PCDHA6: variants seen among roughly 807,000 people sequenced by gnomAD.
The protein encoded by PCDHA6 is protocadherin alpha 6, also known as protocadherin alpha-6.
PCDHA6 carries 55 observed loss-of-function variants against 60.3 expected under a neutral mutation model. The ratio of observed to expected loss-of-function variants is 0.91; its 90% CI spans 0.73 to 1.14. The LOEUF (loss-of-function observed/expected upper bound fraction) is 1.14. Among genes scored for constraint, PCDHA6 ranks in the 50% most tolerant of loss-of-function variants. The pLI, the probability that PCDHA6 is intolerant of heterozygous loss-of-function variation, is 0.00. For missense variants in PCDHA6, 1,327 were observed against 1,256.5 expected, an observed-to-expected ratio of 1.06 and a Z score of -0.85; for synonymous variants, 652 against 557.9, an observed-to-expected ratio of 1.17 and a Z score of -2.38.
intron 1 of PCDHA6, chr5:140,869,866 G>A (rs1165429955): frequency 1.9e-6 from 3 of 1,610,400 alleles, no homozygotes; most frequent in Non-Finnish European, 1.7e-6. Flanking sequence ...TATGGAAAAT[G>A]CTGCTAAAGA....
intron 1 of PCDHA6, chr5:140,856,826 G>A (rs370105926): frequency 3.8e-6 from 6 of 1,592,454 alleles, no homozygotes; most frequent in Non-Finnish European, 4.3e-6. Flanking sequence ...CCAAACATTA[G>A]TAATACGGCT....
Position 140,979,023 on chromosome 5 carries a change from C to G in PCDHA6, c.2453+16C>G, listed in dbSNP as rs2096831948. On this transcript the variant is annotated intron_variant, in intron 2 of 3. Transcript: ENST00000529310. ...GCATGCACAGGTATGTATTTCCCTC[C>G]TCATTCACTCAGAAGTAACCTTAAC... The G allele has an allele frequency of 6.2e-7, 1 of 1,613,422 alleles. No homozygotes were observed.
chr5:140,934,580 T>C lies in PCDHA6; in HGVS notation c.2395-44369T>C, dbSNP rs531235009. 3.9e-5 allele frequency among the ~76,000 whole-genome samples: 6 copies of C among 152,296 alleles called. No individual in the cohort carries two copies. In the East Asian group the frequency reaches 1.2e-3, roughly 29 times the overall value. On this transcript the variant is annotated intron_variant, in intron 1 of 3. Transcript: ENST00000529310. ...CTTTTTTTTAATTAATTGTAACATT[T>C]CTGTAATGGGTCTTCAACTATTTGA...
chr5:140,865,528 T>C (rs2048902393), intron 1 of PCDHA6: 1 of 152,220 alleles, frequency 6.6e-6, no homozygotes, highest in Non-Finnish European at 1.5e-5. Context: ...GGAATTCTCT[T>C]CATCCATAGC....
At position 140,830,118 on chromosome 5, in the gene PCDHA6, C is replaced by T. The variant is rs2150181402; in HGVS notation, c.2027C>T (p.Pro676Leu). The T allele has an allele frequency of 1.7e-5, 27 of 1,613,530 alleles. No individual in the cohort carries two copies. Among genetic ancestry groups the T allele is most frequent in the East Asian group, 1.3e-4 (6 of 44,860 alleles). Residue 676 changes from proline to leucine, a missense_variant, in exon 1 of 4, where the codon CCA becomes CTA. Physicochemically the swap from Pro to Leu is moderately conservative, Grantham distance 98. Transcript: ENST00000529310. ...TCGCTGGTGGAGAGTGGCCAGGCTCCAAAGGCGTCATCACGGGCGTCGGTG... is the reference window on the plus strand; with the variant it reads ...TCGCTGGTGGAGAGTGGCCAGGCTCTAAAGGCGTCATCACGGGCGTCGGTG... ...LVSLVESGQA[P>L]KASSRASVGA...
chr5:140,968,741 A>T, intron 1 of PCDHA6: 1 of 1,614,106 alleles, frequency 6.2e-7, no homozygotes, highest in Non-Finnish European at 8.5e-7. Context: ...TTTCAACCTG[A>T]CCGTGGTGGT....
intron 3 of PCDHA6, among the ~76,000 whole-genome samples, chr5:140,994,381 C>T (rs1339661887): frequency 6.6e-6 from 1 of 152,086 alleles, no homozygotes; most frequent in East Asian, 1.9e-4. Context: ...ATTCAGGGGA[C>T]TAAGTCAGAG....
intron 1 of PCDHA6, chr5:140,929,452 T>C: frequency 1.5e-6 from 2 of 1,366,592 alleles, no homozygotes; most frequent in Non-Finnish European, 2.0e-6. Context: ...TTCTTAGCAC[T>C]TCCTGTGCCA....
At chr5:140,931,260 T>C (rs576177407) in intron 1 of PCDHA6, among the ~76,000 whole-genome samples, 104 of 152,274 alleles carry the variant, frequency 6.8e-4, no homozygotes, top group East Asian at 3.1e-3. Flanking sequence ...GAAATTTCAC[T>C]ATTTATTTCT....
At chr5:140,869,548 G>T in intron 1 of PCDHA6, 1 of 1,614,202 alleles carries the variant, frequency 6.2e-7, no homozygotes, top group Non-Finnish European at 8.5e-7. Flanking sequence ...TAAGCAATCG[G>T]ACTCGCGTTT....
At position 141,010,124 on chromosome 5, in the gene PCDHA6, G is replaced by C. The variant is rs1161168842; in HGVS notation, c.*187G>C. 1.2e-6 allele frequency: 2 copies of C among 1,605,172 alleles called. No homozygotes were observed. The highest frequency in any genetic ancestry group is 1.1e-5 in the South Asian group (1 of 90,170). On this transcript the variant is annotated 3_prime_UTR_variant, in exon 4 of 4. Coordinates refer to ENST00000529310, the MANE Select transcript of PCDHA6 (RefSeq NM_018909.4). ...GGTTTTGTCGTAAAAGCTTTACTAA[G>C]TCTGGTGTTAACTCTTTCTCTCCAC...
chr5:140,882,319 G>T, intron 1 of PCDHA6: 3 of 1,614,136 alleles, frequency 1.9e-6, no homozygotes, highest in Non-Finnish European at 2.5e-6. Flanking sequence ...TACTGCTCTG[G>T]CTTCTGATCC....
chr5:140,841,839 G>T, intron 1 of PCDHA6: 1 of 1,613,898 alleles, frequency 6.2e-7, no homozygotes, highest in South Asian at 1.1e-5. Context: ...TACAGGCTTA[G>T]CTCTCATGAT....
intron 3 of PCDHA6, among the ~76,000 whole-genome samples, chr5:140,989,624 G>C (rs527255277): frequency 6.6e-6 from 1 of 152,208 alleles, no homozygotes; most frequent in Non-Finnish European, 1.5e-5. Context: ...GTCTGTCCTA[G>C]TGACAGCAAG....
At chr5:140,866,935 T>C (rs782742299) in intron 1 of PCDHA6, 3 of 152,114 alleles carry the variant, frequency 2.0e-5, no homozygotes, top group African/African-American at 4.8e-5. Context: ...GCGCATAATC[T>C]CTTCACTAGG....
At chr5:140,935,245 T>A (rs1409133658) in intron 1 of PCDHA6, among the ~76,000 whole-genome samples, 1 of 152,200 alleles carries the variant, frequency 6.6e-6, no homozygotes, top group Non-Finnish European at 1.5e-5. Flanking sequence ...TTTTAAAAGA[T>A]AAAATACATC....
chr5:140,960,143 T>C (rs1250145398), intron 1 of PCDHA6, among the ~76,000 whole-genome samples: 1 of 152,208 alleles, frequency 6.6e-6, no homozygotes, highest in Non-Finnish European at 1.5e-5. Context: ...TAGATATTAA[T>C]AGCTTGAGAC....
chr5:140,833,743 A>G (rs1554133938), intron 1 of PCDHA6, among the ~76,000 whole-genome samples: 1 of 114,690 alleles, frequency 8.7e-6, no homozygotes, highest in African/African-American at 3.3e-5. Flanking sequence ...CTTGCCTCCT[A>G]AAAAGAAAAC....
intron 1 of PCDHA6, chr5:140,871,653 C>G (rs2053243834): frequency 3.2e-6 from 4 of 1,244,250 alleles, no homozygotes; most frequent in Non-Finnish European, 4.4e-6. Flanking sequence ...CCAAATGATA[C>G]ACATCTTCAG....
Sources: gnomAD v4.1 joint callset for allele counts (sites outside exome capture counted in the v4.1 genomes callset) on GRCh38, gnomAD v4.1.1 for gene constraint, MANE v1.5 for transcripts, NCBI Gene and HGNC (gene_info 2026-07-23, HGNC 2026-07-21) for gene names.